Variants in LTBP2 observed in about 807,000 individuals in gnomAD.
The protein encoded by LTBP2 is latent-transforming growth factor beta-binding protein 2.
In LTBP2, 103 loss-of-function variants were observed where a neutral mutation model predicts 210.6. The observed-to-expected ratio is 0.49, with a 90% confidence interval of 0.42 to 0.58. LTBP2 has a LOEUF of 0.58. Ranked by LOEUF, LTBP2 falls within the 20% of genes least tolerant of loss-of-function variation. The pLI, the probability that LTBP2 is intolerant of heterozygous loss-of-function variation, is 0.00. For synonymous variants in LTBP2, 1,007 were observed against 1,015.0 expected, an observed-to-expected ratio of 0.99 and a Z score of 0.15; for missense variants, 2,313 against 2,494.5, an observed-to-expected ratio of 0.93 and a Z score of 1.55.
Position 74,540,848 on chromosome 14 carries a change from T to A in LTBP2, c.1790-4848A>T, listed in dbSNP as rs7154372. On this transcript the variant is annotated intron_variant, in intron 8 of 35. Transcript: ENST00000261978. ...TTTATATAATATATATTTATATATA[T>A]TATATATATTATATATATTTATATA... Among the ~76,000 whole-genome samples, 174 of 68,852 alleles carry A rather than the reference T, an allele frequency of 2.5e-3. 6 individuals are homozygous for A. Among genetic ancestry groups the A allele is most frequent in the Middle Eastern group, 0.015 (2 of 136 alleles). 45.2% of individuals were successfully genotyped at this position (68,852 alleles called of 152,430 possible). A position where few individuals can be genotyped will look rare whatever the true frequency, so the allele number is the denominator to read the frequency against.
In LTBP2 at chr14:74,611,810, C is replaced by A. The variant is rs372107387; in HGVS notation, c.135G>T (p.Pro45=). Reference sequence around the variant, plus strand: ...GCAGTCGATTCGCGTCTCCACCAGCCGGCTCGTATCTCCCTACGGGGTCCC... The same window carrying A: ...GCAGTCGATTCGCGTCTCCACCAGCAGGCTCGTATCTCCCTACGGGGTCCC... ...AQRDPVGRYE[P]AGGDANRLRR... The change falls in exon 1 of 36, where the codon CCG becomes CCT. Residue 45 remains proline, a synonymous_variant. Coordinates refer to ENST00000261978, the MANE Select transcript of LTBP2 (RefSeq NM_000428.3). 70 of 1,611,632 alleles carry A rather than the reference C, an allele frequency of 4.3e-5. No individual in the cohort carries two copies. The highest frequency in any genetic ancestry group is 6.7e-5 in the African/African-American group (5 of 74,912).
rs1414020764 is a variant in LTBP2 at position 74,511,302 on chromosome 14, A to T, written c.2971T>A (p.Ser991Thr). The T allele has an allele frequency of 1.2e-6, 2 of 1,614,122 alleles. No homozygotes were observed. The highest frequency in any genetic ancestry group is 1.7e-6 in the Non-Finnish European group (2 of 1,180,022). The change falls in exon 19 of 36, where the codon TCC (serine) becomes ACC (threonine). Residue 991 changes from serine to threonine, a missense_variant. Ser to Thr is a moderately conservative substitution (Grantham distance 58). Coordinates refer to ENST00000261978, the MANE Select transcript of LTBP2 (RefSeq NM_000428.3). ...PDGRCVNSPG[S>T]YTCLACEEGY... The stretch of plus-strand genomic sequence containing the variant: ...TCCTCACAGGCCAGACAAGTGTAGG[A>T]GCCAGGGGAATTGACGCATCTCCCA...
chr14:74,577,324 A>T (rs1051837097), intron 3 of LTBP2, among the ~76,000 whole-genome samples: 1 of 152,146 alleles, frequency 6.6e-6, no homozygotes, highest in Non-Finnish European at 1.5e-5. Context: ...AGCACAGAAG[A>T]TGCAGGCTGC....
intron 3 of LTBP2, among the ~76,000 whole-genome samples, chr14:74,584,399 G>A (rs1438321456): frequency 6.6e-6 from 1 of 152,162 alleles, no homozygotes; most frequent in African/African-American, 2.4e-5. Context: ...CAAGCCAAAA[G>A]AGATGGGGGA....
At chr14:74,560,496 C>G (rs938216657) in intron 3 of LTBP2, among the ~76,000 whole-genome samples, 4 of 152,224 alleles carry the variant, frequency 2.6e-5, no homozygotes, top group Non-Finnish European at 5.9e-5. Flanking sequence ...AATGATGCCA[C>G]TTACTGAAAT....
chr14:74,595,316 C>T (rs1163317391), intron 2 of LTBP2, among the ~76,000 whole-genome samples: 5 of 152,182 alleles, frequency 3.3e-5, no homozygotes, highest in Non-Finnish European at 7.4e-5. Context: ...CCAATCCCAC[C>T]GGCTCCAGCA....
At chr14:74,594,957 C>T (rs2088338032) in intron 2 of LTBP2, among the ~76,000 whole-genome samples, 1 of 152,244 alleles carries the variant, frequency 6.6e-6, no homozygotes, top group Non-Finnish European at 1.5e-5. Context: ...TCCCACACAG[C>T]TGTGCCAGGA....
intron 3 of LTBP2, among the ~76,000 whole-genome samples, chr14:74,572,601 C>T (rs1376972018): frequency 6.6e-6 from 1 of 152,032 alleles, no homozygotes; most frequent in African/African-American, 2.4e-5. Context: ...AAATCAGAAA[C>T]CTCCTTTATG....
chr14:74,536,483 A>G (rs1268477715), intron 8 of LTBP2, among the ~76,000 whole-genome samples: 1 of 152,244 alleles, frequency 6.6e-6, no homozygotes, highest in African/African-American at 2.4e-5. Context: ...CACCACAAAA[A>G]ATAAATATAT....
Position 74,516,924 on chromosome 14 carries a change from G to A in LTBP2, c.2806C>T (p.Gln936Ter). 6.4e-7 allele frequency: 1 copy of A among 1,551,774 alleles called. No individual in the cohort carries two copies. Among genetic ancestry groups the A allele is most frequent in the East Asian group, 2.4e-5 (1 of 40,946 alleles). The change falls in exon 18 of 36, where the codon CAG (glutamine) becomes TAG (stop). Residue 936 changes from glutamine to a stop codon, truncating the protein, a stop_gained. Coordinates refer to ENST00000261978, the MANE Select transcript of LTBP2 (RefSeq NM_000428.3). LOFTEE classifies it high-confidence loss of function. Reference protein sequence around the residue: ...QECQDINECEQPGVCSGGQCT... With the variant: ...QECQDINECE ...TGCCCCCCGCTGCACACCCCTGGCT[G>A]CTCACACTCATTGATATCTGTGAAC... is the stretch of plus-strand genomic sequence containing the variant.
chr14:74,573,961 C>T (rs1203312562), intron 3 of LTBP2, among the ~76,000 whole-genome samples: 5 of 152,114 alleles, frequency 3.3e-5, no homozygotes, highest in Non-Finnish European at 5.9e-5. Context: ...CAAGTGGAAC[C>T]GGGATCTGTC....
At chr14:74,515,780 C>G (rs1207479886) in intron 18 of LTBP2, among the ~76,000 whole-genome samples, 1 of 152,124 alleles carries the variant, frequency 6.6e-6, no homozygotes, top group African/African-American at 2.4e-5. Flanking sequence ...GTCTTATCTC[C>G]ATCGTGCTAA....
At chr14:74,501,843 C>A in intron 34 of LTBP2, 1 of 547,952 alleles carries the variant, frequency 1.8e-6, no homozygotes, top group Non-Finnish European at 3.3e-6. Context: ...GGCTGAGACT[C>A]GCTGCTTCCA....
chr14:74,556,257 C>G (rs1184817284), intron 3 of LTBP2, among the ~76,000 whole-genome samples: 2 of 152,206 alleles, frequency 1.3e-5, no homozygotes, highest in Non-Finnish European at 2.9e-5. Context: ...AACATGAATT[C>G]ATCATCTCCC....
chr14:74,504,184 G>T (rs1014912618), intron 30 of LTBP2, 130 bp from the exon 31 acceptor site: 7 of 1,114,564 alleles, frequency 6.3e-6, no homozygotes, highest in Admixed American at 5.9e-5. Flanking sequence ...TGGGCAAGTT[G>T]CTTAAGTTCG....
At chr14:74,512,688 G>A (rs561579653) in intron 18 of LTBP2, among the ~76,000 whole-genome samples, 6 of 152,352 alleles carry the variant, frequency 3.9e-5, no homozygotes, top group Admixed American at 3.9e-4. Context: ...CACAGGGCAG[G>A]TGGTTTTCAG....
rs1257019642 is a variant in LTBP2, at chr14:74,552,188, C to T, written c.1398G>A (p.Leu466=). 4 of 1,602,256 alleles carry T rather than the reference C, an allele frequency of 2.5e-6. No homozygotes were observed. Among genetic ancestry groups the T allele is most frequent in the Non-Finnish European group, 3.4e-6 (4 of 1,176,106 alleles). ...STFTLPLSNQ[L]ASVNPSLVKV... ...CGGCCCAGCTGTGCCGGCACTCACC[C>T]AGCTGGTTGGAGAGCGGCAGTGTGA... Residue 466 remains leucine (L), a splice_region_variant and synonymous_variant, in exon 6 of 36, where the codon CTG becomes CTA. Coordinates refer to ENST00000261978, the MANE Select transcript of LTBP2 (RefSeq NM_000428.3).
chr14:74,543,565 C>T (rs1249645887), intron 8 of LTBP2, among the ~76,000 whole-genome samples: 1 of 150,874 alleles, frequency 6.6e-6, no homozygotes, highest in African/African-American at 2.5e-5. Context: ...TTCCTTCCTC[C>T]CTTCCTTCCC....
intron 3 of LTBP2, among the ~76,000 whole-genome samples, chr14:74,579,468 A>AAGTAGGTTAAAGG (rs1199688027): frequency 6.6e-6 from 1 of 152,204 alleles, no homozygotes; most frequent in Admixed American, 6.5e-5. Flanking sequence ...GGTCATGCCA[A>AAGTAGGTTAAAGG]TCACTCTCAG....
Sources: allele counts gnomAD v4.1 joint callset (sites outside exome capture counted in the v4.1 genomes callset), GRCh38; gene constraint gnomAD v4.1.1; transcripts MANE v1.5; gene names NCBI Gene and HGNC (gene_info 2026-07-23, HGNC 2026-07-21).